Variants in KIRREL3 observed in about 807,000 individuals in gnomAD.
The protein encoded by KIRREL3 is kirre like nephrin family adhesion molecule 3, also known as kin of IRRE-like protein 3.
In KIRREL3, 36 loss-of-function variants were observed where a neutral mutation model predicts 89.7. The ratio of observed to expected loss-of-function variants is 0.40; its 90% confidence interval spans 0.31 to 0.53. The LOEUF is 0.53. Among genes scored for constraint, KIRREL3 ranks in the 20% least tolerant of loss-of-function variants. The pLI, the probability that KIRREL3 is intolerant of heterozygous loss-of-function variation, is 0.49. For missense variants in KIRREL3, 864 were observed against 1,056.6 expected (o/e 0.82, Z 2.53); for synonymous variants, 445 against 441.4 (o/e 1.01, Z -0.10).
At position 126,601,091 on chromosome 11, in the gene KIRREL3, C is replaced by T. The variant is rs1303737240; in HGVS notation, c.56-38179G>A. 1.3e-5 allele frequency among the ~76,000 whole-genome samples: 2 copies of T among 151,948 alleles called. No homozygotes were observed. Among genetic ancestry groups the T allele is most frequent in the African/African-American group, 4.8e-5 (2 of 41,334 alleles). On this transcript the variant is annotated intron_variant, in intron 1 of 16. Transcript: ENST00000525144. This position sits in a 1 kb window ranked among gnomAD's most constrained non-coding sequence, Gnocchi z 5.8. ...TTTGTCCCCCGTCCTCCCAGCCCCC[C>T]GATGTTCCAGGAAGCCAAAGCACAG...
rs542970144 is a variant in KIRREL3 at position 126,738,903 on chromosome 11, T to C, written c.56-175991A>G. ...CACAGGCAGAGGAGTCTCTTATTCT[T>C]CCACACAGGGTCCTAAACAAAGCAT... is the stretch of plus-strand genomic sequence containing the variant. On this transcript the variant is annotated intron_variant, in intron 1 of 16. Transcript: ENST00000525144. Among the ~76,000 whole-genome samples the C allele has an allele frequency of 1.3e-3, 199 of 152,360 alleles. 6 individuals are homozygous for C. The highest frequency in any genetic ancestry group is 3.2e-3 in the African/African-American group (135 of 41,584).
chr11:126,679,876 G>T (rs1196549895), intron 1 of KIRREL3, among the ~76,000 whole-genome samples: 5 of 152,192 alleles, frequency 3.3e-5, no homozygotes, highest in Non-Finnish European at 5.9e-5. Context: ...GAAGGGAAAA[G>T]GTCCCAGAGA....
At chr11:126,590,847 C>T (rs1331731758) in intron 1 of KIRREL3, among the ~76,000 whole-genome samples, 1 of 152,168 alleles carries the variant, frequency 6.6e-6, no homozygotes, top group Non-Finnish European at 1.5e-5. Flanking sequence ...GGTCTTCCAT[C>T]CCTGTTCTCC....
chr11:126,775,765 G>A (rs1950152565), intron 1 of KIRREL3, among the ~76,000 whole-genome samples: 2 of 152,216 alleles, frequency 1.3e-5, no homozygotes, highest in South Asian at 4.1e-4. Flanking sequence ...AGGTGGAAGT[G>A]CTGTTATGTG....
intron 1 of KIRREL3, among the ~76,000 whole-genome samples, chr11:126,632,194 C>A (rs934670326): frequency 2.0e-5 from 3 of 152,178 alleles, no homozygotes; most frequent in African/African-American, 7.2e-5. Flanking sequence ...CTTTGAGGAC[C>A]ACAGATATAA....
chr11:126,786,381 A>G (rs1234772289), intron 1 of KIRREL3, among the ~76,000 whole-genome samples: 3 of 152,164 alleles, frequency 2.0e-5, no homozygotes, highest in Non-Finnish European at 4.4e-5. Context: ...CAAATTTTCT[A>G]GAGTGTGGTA....
In KIRREL3 at chr11:126,898,517, A is replaced by G. The variant is rs1423087609; in HGVS notation, c.55+101938T>C. Among the ~76,000 whole-genome samples, 1 of 152,234 alleles carries G rather than the reference A, an allele frequency of 6.6e-6. No individual in the cohort carries two copies. The highest frequency in any genetic ancestry group is 1.5e-5 in the Non-Finnish European group (1 of 68,048). ...AATTTTGTGAATGCAGCAATTAGAA[A>G]CAATGAAGTGGGCAGATACCTAACA... On this transcript the variant is annotated intron_variant, in intron 1 of 16. Transcript: ENST00000525144. The surrounding 1 kb of genome is among the most constrained non-coding windows in gnomAD (Gnocchi z 4.9).
chr11:126,951,726 T>C (rs1213878435), intron 1 of KIRREL3, among the ~76,000 whole-genome samples: 3 of 152,150 alleles, frequency 2.0e-5, no homozygotes, highest in Non-Finnish European at 4.4e-5. Context: ...ATTTTGTTAA[T>C]ATATGAGATG....
At chr11:126,988,620 A>C (rs1949938188) in intron 1 of KIRREL3, 1 of 152,702 alleles carries the variant, frequency 6.5e-6, no homozygotes, top group Admixed American at 6.5e-5. Flanking sequence ...AGGGGTCTGC[A>C]CAAGGGTGTT....
intron 1 of KIRREL3, among the ~76,000 whole-genome samples, chr11:126,690,571 G>T (rs974273554): frequency 2.6e-5 from 4 of 152,076 alleles, no homozygotes; most frequent in African/African-American, 9.7e-5. Context: ...GGTGTCCCTA[G>T]GTAACCATCT....
Position 126,436,964 on chromosome 11 carries a change from G to A in KIRREL3, c.1399C>T (p.Arg467Cys), listed in dbSNP as rs1466624197. 3 of 1,586,434 alleles carry A rather than the reference G, an allele frequency of 1.9e-6. No homozygotes were observed. The highest frequency in any genetic ancestry group is 2.6e-6 in the Non-Finnish European group (3 of 1,162,166). ...GTGCTGATGGTCTCCACCGTATAGC[G>A]CCCCGATGTGCCCGACTCCAGAACG... is the stretch of plus-strand genomic sequence containing the variant. ...ENVLESGTSGRYTVETISTEE... is the reference protein window; with the variant it reads ...ENVLESGTSGCYTVETISTEE... Residue 467 changes from arginine (R) to cysteine (C), a missense_variant, in exon 12 of 17, where the codon CGC becomes TGC. Arg to Cys is a radical substitution (Grantham distance 180). Transcript: ENST00000525144.
chr11:126,952,764 G>A (rs1948807974), intron 1 of KIRREL3, among the ~76,000 whole-genome samples: 1 of 152,098 alleles, frequency 6.6e-6, no homozygotes, highest in African/African-American at 2.4e-5. Flanking sequence ...GTAAGGAAGG[G>A]ATCCAAAACC....
In KIRREL3 at chr11:126,521,656, T is replaced by TTCTC. The variant is rs749386420; in HGVS notation, c.284-196_284-193dup. ...TTTCCCAAGGCATTGAAGGTGTTGGTTCTCTCTCTCTCTCTCTGTATGTGT... is the reference window on the plus strand; with the variant it reads ...TTTCCCAAGGCATTGAAGGTGTTGGTTCTCTCTCTCTCTCTCTCTCTGTATGTGT... On this transcript the variant is annotated intron_variant, in intron 3 of 16. Transcript: ENST00000525144. This position sits in a 1 kb window ranked among gnomAD's most constrained non-coding sequence, Gnocchi z 4.1. Among the ~76,000 whole-genome samples the TTCTC allele has an allele frequency of 3.4e-5, 5 of 148,270 alleles. No individual in the cohort carries two copies. The highest frequency in any genetic ancestry group is 1.0e-4 in the African/African-American group (4 of 39,950).
rs899702344 is a variant in KIRREL3 at position 126,653,947 on chromosome 11, C to A, written c.56-91035G>T. Among the ~76,000 whole-genome samples the A allele has an allele frequency of 3.9e-5, 6 of 152,160 alleles. No individual in the cohort carries two copies. Among genetic ancestry groups the A allele is most frequent in the Non-Finnish European group, 7.3e-5 (5 of 68,034 alleles). On this transcript the variant is annotated intron_variant, in intron 1 of 16. Coordinates refer to ENST00000525144, the MANE Select transcript of KIRREL3 (RefSeq NM_032531.4). The surrounding 1 kb of genome is among the most constrained non-coding windows in gnomAD (Gnocchi z 5.4). The stretch of plus-strand genomic sequence containing the variant: ...CCATGCGATTCAGGGGAAGGTGATA[C>A]CACTTCTGCCTAGAGGGTGACCCCC...
At position 126,800,880 on chromosome 11, in the gene KIRREL3, T is replaced by G. The variant is rs974705923; in HGVS notation, c.55+199575A>C. On this transcript the variant is annotated intron_variant, in intron 1 of 16. Coordinates refer to ENST00000525144, the MANE Select transcript of KIRREL3 (RefSeq NM_032531.4). ...GGGATAATGGGATGGTGGAGCAGAG[T>G]GGCTGCATTCTGAGCCACAGCTGTG... Among the ~76,000 whole-genome samples, 33 of 152,084 alleles carry G rather than the reference T, an allele frequency of 2.2e-4. 1 individual carries two copies. Among genetic ancestry groups the G allele is most frequent in the Admixed American group, 1.5e-3 (23 of 15,260 alleles).
At chr11:126,743,620 C>T (rs556342938) in intron 1 of KIRREL3, among the ~76,000 whole-genome samples, 1 of 152,268 alleles carries the variant, frequency 6.6e-6, no homozygotes, top group South Asian at 2.1e-4. Context: ...GAGATTTAGT[C>T]AGAATTGGAT....
rs1946550778 is a variant in KIRREL3, at chr11:126,905,628, T to G, written c.55+94827A>C. Among the ~76,000 whole-genome samples, 1 of 152,082 alleles carries G rather than the reference T, an allele frequency of 6.6e-6. No homozygotes were observed. Among genetic ancestry groups the G allele is most frequent in the African/African-American group, 2.4e-5 (1 of 41,414 alleles). ...TGCAAGCCTCATCCTGCACAGTGGC[T>G]TGGTGTGTGATTCGGTGTGCTAAAT... On this transcript the variant is annotated intron_variant, in intron 1 of 16. Transcript: ENST00000525144. The surrounding 1 kb of genome is among the most constrained non-coding windows in gnomAD (Gnocchi z 5.0).
intron 1 of KIRREL3, among the ~76,000 whole-genome samples, chr11:126,707,778 A>G (rs1242865595): frequency 6.6e-6 from 1 of 151,626 alleles, no homozygotes; most frequent in South Asian, 2.1e-4. Context: ...CTCCCAGACT[A>G]GAAAAATTCC....
intron 1 of KIRREL3, among the ~76,000 whole-genome samples, chr11:126,958,869 T>C (rs975004884): frequency 1.3e-5 from 2 of 152,198 alleles, no homozygotes; most frequent in Admixed American, 6.5e-5. Flanking sequence ...CTCGACTGGG[T>C]TATAAAATTC....
Sources: allele counts gnomAD v4.1 joint callset (sites outside exome capture counted in the v4.1 genomes callset), GRCh38; gene constraint gnomAD v4.1.1; non-coding constraint Gnocchi (gnomAD v3.1); transcripts MANE v1.5; gene names NCBI Gene and HGNC (gene_info 2026-07-23, HGNC 2026-07-21).